Variants in PHKA1 observed in about 807,000 individuals in gnomAD.
PHKA1 encodes the protein phosphorylase kinase regulatory subunit alpha 1.
PHKA1 carries 60 observed loss-of-function variants against 110.2 expected under a neutral mutation model. That is an observed-to-expected ratio of 0.54 (90% CI 0.44 to 0.68). PHKA1 has a LOEUF of 0.68. Among genes scored for constraint, PHKA1 ranks in the 30% least tolerant of loss-of-function variants. PHKA1 has a pLI of 0.00. For synonymous variants in PHKA1, 316 were observed against 333.6 expected (o/e 0.95, Z 0.58); for missense variants, 801 against 942.5 (o/e 0.85, Z 1.97).
intron 4 of PHKA1, among the ~76,000 whole-genome samples, chrX:72,693,172 T>C (rs2054061984): frequency 8.9e-6 from 1 of 111,900 alleles, no homozygotes; most frequent in Non-Finnish European, 1.9e-5. Context: ...TCATAGAACA[T>C]ACTTTGTGTG....
chrX:72,621,943 T>C, intron 18 of PHKA1: 2 of 741,744 alleles, frequency 2.7e-6, no homozygotes, highest in Non-Finnish European at 1.6e-6. Flanking sequence ...ATTAGAAATA[T>C]ATATTTTAGT....
chrX:72,609,835 C>T (rs1220171095), intron 22 of PHKA1, 132 bp from the exon 23 acceptor site: 6 of 514,782 alleles, frequency 1.2e-5, no homozygotes, highest in South Asian at 2.7e-5. Flanking sequence ...TCAGAAAATA[C>T]CATGAAGATC....
At chrX:72,709,313 TATGAGACTGTATCTATATACCTTAGAGA>T (rs1556333544) in intron 2 of PHKA1, 1 of 108,941 alleles carries the variant, frequency 9.2e-6, no homozygotes, top group Non-Finnish European at 1.9e-5. Context: ...TTTCTATGGG[TATGAGACTGTATCTATATACCTTAGAGA>T]AAGACATTTG....
At chrX:72,711,464 G>T (rs2054381230) in intron 2 of PHKA1, among the ~76,000 whole-genome samples, 1 of 110,777 alleles carries the variant, frequency 9.0e-6, no homozygotes, top group Non-Finnish European at 1.9e-5. Context: ...GTCATAAAAG[G>T]CTGGGCGCGG....
At chrX:72,648,255 A>G (rs1274288345) in intron 13 of PHKA1, among the ~76,000 whole-genome samples, 2 of 111,751 alleles carry the variant, frequency 1.8e-5, no homozygotes, top group African/African-American at 6.5e-5. Context: ...CATCAGAAGG[A>G]AGACTTGTCC....
intron 26 of PHKA1, among the ~76,000 whole-genome samples, chrX:72,602,506 A>G (rs1191405947): frequency 1.8e-5 from 2 of 111,737 alleles, no homozygotes; most frequent in Non-Finnish European, 3.8e-5. Context: ...TGTGCATTTT[A>G]GCAAGATACC....
At chrX:72,709,894 T>A (rs2054341623) in intron 2 of PHKA1, among the ~76,000 whole-genome samples, 1 of 108,832 alleles carries the variant, frequency 9.2e-6, no homozygotes, top group Non-Finnish European at 1.9e-5. Flanking sequence ...TACAAAAAAA[T>A]TAGCCGGGTG....
chrX:72,610,814 A>AT (rs2052798017), intron 22 of PHKA1, among the ~76,000 whole-genome samples: 1 of 111,703 alleles, frequency 9.0e-6, no homozygotes, highest in African/African-American at 3.3e-5. Context: ...AGAATTCTTA[A>AT]TATCATTATA....
intron 8 of PHKA1, chrX:72,660,603 CACTCTTTTAT>C (rs1192627796): frequency 2.8e-6 from 1 of 361,770 alleles, no homozygotes; most frequent in African/African-American, 2.6e-5. Flanking sequence ...AAGCTATGTT[CACTCTTTTAT>C]ACAAAAGAAG....
chrX:72,667,533 C>T, intron 6 of PHKA1, 60 bp from the exon 7 acceptor site: 1 of 841,019 alleles, frequency 1.2e-6, no homozygotes, highest in Non-Finnish European at 1.8e-6. Flanking sequence ...TATTTCTTCT[C>T]CCTATATCCC....
intron 6 of PHKA1, 43 bp downstream of exon 6, chrX:72,676,027 C>T (rs782379427): frequency 1.0e-6 from 1 of 979,557 alleles, no homozygotes; most frequent in African/African-American, 1.9e-5. Context: ...GGATACCAGA[C>T]TTCCTCATCC....
intron 28 of PHKA1, among the ~76,000 whole-genome samples, chrX:72,598,155 G>A (rs1454643003): frequency 9.0e-6 from 1 of 110,870 alleles, no homozygotes; most frequent in African/African-American, 3.3e-5. Flanking sequence ...AAGAATCCTT[G>A]CAACTCAACA....
intron 10 of PHKA1, among the ~76,000 whole-genome samples, chrX:72,654,618 C>T (rs1603264433): frequency 9.0e-6 from 1 of 111,235 alleles, no homozygotes; most frequent in Admixed American, 9.5e-5. Context: ...GGTGAAAGTA[C>T]GGTAACTATT....
intron 30 of PHKA1, among the ~76,000 whole-genome samples, chrX:72,583,495 T>C (rs1380266794): frequency 3.6e-5 from 4 of 111,824 alleles, no homozygotes; most frequent in Non-Finnish European, 7.5e-5. Context: ...AAAAGGCCTG[T>C]AGGCAATAGT....
At chrX:72,631,910 A>G (rs1424668444) in intron 16 of PHKA1, among the ~76,000 whole-genome samples, 2 of 112,120 alleles carry the variant, frequency 1.8e-5, no homozygotes, top group Non-Finnish European at 3.8e-5. Flanking sequence ...TATGATTTTG[A>G]CCAAATCTCA....
chrX:72,665,586 A>C (rs1330375553), intron 8 of PHKA1, among the ~76,000 whole-genome samples: 2 of 111,683 alleles, frequency 1.8e-5, no homozygotes, highest in African/African-American at 3.3e-5. Context: ...CAAAAAACCC[A>C]TGGGCCAATA....
chrX:72,638,357 C>T (rs1372373516), intron 14 of PHKA1, among the ~76,000 whole-genome samples: 2 of 87,149 alleles, frequency 2.3e-5, no homozygotes, highest in Non-Finnish European at 4.4e-5. Flanking sequence ...CTGGGCAACA[C>T]AGTGAGAGCT....
intron 3 of PHKA1, among the ~76,000 whole-genome samples, chrX:72,702,124 TG>T (rs1279906182): frequency 9.0e-6 from 1 of 111,321 alleles, no homozygotes; most frequent in Non-Finnish European, 1.9e-5. Flanking sequence ...CCCTGGGAAC[TG>T]AAGCCAGACA....
At chrX:72,679,307 A>C (rs1782979599) in intron 5 of PHKA1, among the ~76,000 whole-genome samples, 1 of 110,478 alleles carries the variant, frequency 9.1e-6, no homozygotes, top group Non-Finnish European at 1.9e-5. Flanking sequence ...ATAATGGATT[A>C]AACTGTTTTC....
Sources: allele counts gnomAD v4.1 joint callset (sites outside exome capture counted in the v4.1 genomes callset), GRCh38; gene constraint gnomAD v4.1.1; transcripts MANE v1.5; gene names NCBI Gene and HGNC (gene_info 2026-07-23, HGNC 2026-07-21).